Variants in CPA5 observed in about 807,000 individuals in gnomAD.
CPA5 encodes the protein testicular tissue protein Li 32.
CPA5 carries 38 observed loss-of-function variants against 52.2 expected under a neutral mutation model. The ratio of observed to expected loss-of-function variants is 0.73; its 90% CI spans 0.56 to 0.95. The LOEUF is 0.95. Among genes scored for constraint, CPA5 ranks in the 40% least tolerant of loss-of-function variants. CPA5 has a pLI of 0.00. For missense variants in CPA5, 519 were observed against 566.7 expected, an observed-to-expected ratio of 0.92 and a Z score of 0.86; for synonymous variants, 198 against 213.7, an observed-to-expected ratio of 0.93 and a Z score of 0.64.
intron 7 of CPA5, among the ~76,000 whole-genome samples, chr7:130,361,804 C>T (rs2117415928): frequency 6.6e-6 from 1 of 152,296 alleles, no homozygotes; most frequent in Non-Finnish European, 1.5e-5. Flanking sequence ...AGTTTGCGCC[C>T]AAAAGGGCAC....
intron 11 of CPA5, 140 bp downstream of exon 11, chr7:130,367,711 T>G: frequency 1.1e-6 from 1 of 915,800 alleles, no homozygotes; most frequent in South Asian, 1.5e-5. Context: ...GGGGGTGGGG[T>G]AGGGGGAGCT....
intron 7 of CPA5, among the ~76,000 whole-genome samples, chr7:130,362,193 T>C (rs1357498245): frequency 4.6e-5 from 7 of 152,156 alleles, no homozygotes; most frequent in African/African-American, 1.7e-4. Flanking sequence ...ATACTTTCAA[T>C]CCTGGGAAAT....
chr7:130,352,839 GTT>G (rs1323770844), intron 5 of CPA5, among the ~76,000 whole-genome samples: 1 of 147,020 alleles, frequency 6.8e-6, no homozygotes. Context: ...CAGCCCTTTG[GTT>G]TTTTTTTTTA....
chr7:130,348,311 G>A (rs1045449274), intron 4 of CPA5, among the ~76,000 whole-genome samples: 2 of 152,162 alleles, frequency 1.3e-5, no homozygotes, highest in Non-Finnish European at 2.9e-5. Context: ...TCCTCTGCAG[G>A]TTTTCACAAT....
intron 10 of CPA5, among the ~76,000 whole-genome samples, chr7:130,365,750 T>C (rs954638251): frequency 1.3e-5 from 2 of 152,240 alleles, no homozygotes; most frequent in Admixed American, 6.5e-5. Flanking sequence ...CACCTGGTCG[T>C]TGGCAGGGGA....
intron 5 of CPA5, among the ~76,000 whole-genome samples, chr7:130,350,699 T>C (rs1486426409): frequency 6.6e-6 from 1 of 152,182 alleles, no homozygotes; most frequent in African/African-American, 2.4e-5. Context: ...ACAGACCTGC[T>C]CTTGGGTAGG....
Position 130,359,614 on chromosome 7 carries a change from C to T in CPA5, c.359C>T (p.Ala120Val), listed in dbSNP as rs1554406032. Residue 120 changes from alanine to valine, a missense_variant, in exon 6 of 13, where the codon GCC (alanine) becomes GTC (valine). Transcript: ENST00000474905. ...GTGCTGCTGGATGAGGAAAGACAGG[C>T]CATGGCGAAATCCCGCCGGCTGGAG... Reference protein sequence around the residue: ...IQVLLDEERQAMAKSRRLERS... With the variant: ...IQVLLDEERQVMAKSRRLERS... The T allele has an allele frequency of 6.4e-7, 1 of 1,572,628 alleles. No individual in the cohort carries two copies. The highest frequency in any genetic ancestry group is 8.6e-7 in the Non-Finnish European group (1 of 1,158,372).
chr7:130,367,878 C>G (rs1168349085), intron 11 of CPA5, 28 bp from the exon 12 acceptor site: 8 of 1,605,844 alleles, frequency 5.0e-6, no homozygotes. Context: ...GAGCCCCTGC[C>G]TTTCACCCCG....
chr7:130,358,737 G>A (rs988893326), intron 5 of CPA5, among the ~76,000 whole-genome samples: 10 of 152,200 alleles, frequency 6.6e-5, no homozygotes, highest in Non-Finnish European at 1.3e-4. Flanking sequence ...ATGGGCTTGG[G>A]TGAAGGACAC....
intron 5 of CPA5, among the ~76,000 whole-genome samples, chr7:130,356,768 C>T (rs1200717765): frequency 6.6e-6 from 1 of 152,062 alleles, no homozygotes; most frequent in Non-Finnish European, 1.5e-5. Context: ...GTCTTCTAGT[C>T]CTTTCTTTTT....
chr7:130,355,435 C>T (rs1795421850), intron 5 of CPA5, among the ~76,000 whole-genome samples: 1 of 151,910 alleles, frequency 6.6e-6, no homozygotes, highest in South Asian at 2.1e-4. Flanking sequence ...GTGATGGAGT[C>T]TTGCTCTGTC....
chr7:130,354,341 C>A (rs1374011146), intron 5 of CPA5, among the ~76,000 whole-genome samples: 2 of 152,000 alleles, frequency 1.3e-5, no homozygotes, highest in African/African-American at 2.4e-5. Context: ...TAATTTAATT[C>A]TTTACTTCTT....
Position 130,362,968 on chromosome 7 carries a change from G to C in CPA5, c.721G>C (p.Asp241His), listed in dbSNP as rs782089213. 10 of 1,611,042 alleles carry C rather than the reference G, an allele frequency of 6.2e-6. No homozygotes were observed. In the South Asian group the frequency reaches 7.7e-5, roughly 12 times the overall value. ...CTTCATAGAGCTCGTCACAAACCCT[G>C]ATGGGTTTGCTTTTACCCACAGCAT... ...DIFIELVTNPDGFAFTHSMNR... is the reference protein window; with the variant it reads ...DIFIELVTNPHGFAFTHSMNR... Residue 241 changes from aspartate (D) to histidine (H), a missense_variant, in exon 9 of 13, where the codon GAT (aspartate) becomes CAT (histidine). Physicochemically the swap from Asp to His is moderately conservative, Grantham distance 81. Transcript: ENST00000474905.
At chr7:130,365,253 C>T (rs181012884) in intron 10 of CPA5, among the ~76,000 whole-genome samples, 7 of 152,280 alleles carry the variant, frequency 4.6e-5, no homozygotes, top group South Asian at 2.1e-4. Flanking sequence ...AATGAACAGA[C>T]GCTTGCCTCA....
chr7:130,365,089 T>C (rs782784716), intron 10 of CPA5, among the ~76,000 whole-genome samples: 2 of 152,216 alleles, frequency 1.3e-5, no homozygotes, highest in Non-Finnish European at 2.9e-5. Context: ...TGGATGCCCA[T>C]TGCTTTTAAA....
chr7:130,369,140 C>G (rs1156393615), downstream of CPA5, among the ~76,000 whole-genome samples: 1 of 152,178 alleles, frequency 6.6e-6, no homozygotes, highest in Non-Finnish European at 1.5e-5. Flanking sequence ...CAACCCAACA[C>G]GAATGAGTCA....
chr7:130,346,105 C>G (rs1301568923), intron 2 of CPA5, among the ~76,000 whole-genome samples: 1 of 152,094 alleles, frequency 6.6e-6, no homozygotes, highest in Non-Finnish European at 1.5e-5. Context: ...AGAAGAAGAG[C>G]GAAAGAGAAG....
intron 4 of CPA5, 134 bp from the exon 5 acceptor site, chr7:130,349,841 C>G (rs945564128): frequency 9.9e-7 from 1 of 1,005,240 alleles, no homozygotes; most frequent in Non-Finnish European, 1.5e-6. Flanking sequence ...GGACATCACA[C>G]CCCCGTCCCC....
At chr7:130,366,756 G>GCA (rs782181418) in intron 10 of CPA5, among the ~76,000 whole-genome samples, 2 of 152,174 alleles carry the variant, frequency 1.3e-5, no homozygotes, top group African/African-American at 2.4e-5. Context: ...TCAACTGATG[G>GCA]CACACCCAGG....
Sources: allele counts gnomAD v4.1 joint callset (sites outside exome capture counted in the v4.1 genomes callset), GRCh38; gene constraint gnomAD v4.1.1; transcripts MANE v1.5; gene names NCBI Gene and HGNC (gene_info 2026-07-23, HGNC 2026-07-21).